LHFPL1: variants seen among roughly 807,000 people sequenced by gnomAD.
LHFPL1 encodes LHFPL tetraspan subfamily member 1 protein.
A neutral mutation model predicts 12.1 loss-of-function variants in LHFPL1; 4 were observed. The ratio of observed to expected loss-of-function variants is 0.33; its 90% CI spans 0.16 to 0.76. The LOEUF is 0.76. Ranked by LOEUF, LHFPL1 falls within the 30% of genes least tolerant of loss-of-function variation. The pLI, the probability that LHFPL1 is intolerant of heterozygous loss-of-function variation, is 0.61. For synonymous variants in LHFPL1, 52 were observed against 61.9 expected (o/e 0.84, Z 0.75); for missense variants, 141 against 174.1 (o/e 0.81, Z 1.07).
chrX:112,637,604 G>A (rs1930381017), intron 3 of LHFPL1, among the ~76,000 whole-genome samples: 1 of 112,160 alleles, frequency 8.9e-6, no homozygotes, highest in South Asian at 3.7e-4. Flanking sequence ...CTCTTTGGAG[G>A]AAGAAGGAAA....
In LHFPL1 at chrX:112,649,646, T is replaced by C. The variant is rs751214565; in HGVS notation, c.481+10981A>G. On this transcript the variant is annotated intron_variant, in intron 3 of 3. Coordinates refer to ENST00000371968, the MANE Select transcript of LHFPL1 (RefSeq NM_178175.4). ...TGGCCTTCCATGTTGAAAATCTTCA[T>C]TATTTTATTTTACTTGAATGACAGT... Among the ~76,000 whole-genome samples, 7 of 112,293 alleles carry C rather than the reference T, an allele frequency of 6.2e-5. No individual in the cohort carries two copies. In the East Asian group the frequency reaches 2.0e-3, roughly 31 times the overall value.
intron 2 of LHFPL1, among the ~76,000 whole-genome samples, chrX:112,668,167 T>C (rs1282599785): frequency 6.2e-5 from 7 of 112,050 alleles, no homozygotes; most frequent in African/African-American, 3.2e-5. Context: ...CTCTTTCTCT[T>C]GTGTCTTTAT....
Position 112,671,127 on chromosome X carries a change from T to C in LHFPL1, c.264A>G (p.Thr88=). ...GGAGCAGCAGAGCACAGCCGGCACCTGTCACCACTGTGCACATCTGCCAGG... is the reference window on the plus strand; with the variant it reads ...GGAGCAGCAGAGCACAGCCGGCACCCGTCACCACTGTGCACATCTGCCAGG... ...SLAWQMCTVV[T]GAGCALLLLV... The change falls in exon 2 of 4, where the codon ACA becomes ACG. Residue 88 remains threonine (T), a synonymous_variant. Coordinates refer to ENST00000371968, the MANE Select transcript of LHFPL1 (RefSeq NM_178175.4). 8.3e-7 allele frequency: 1 copy of C among 1,212,059 alleles called. No individual in the cohort carries two copies. Among genetic ancestry groups the C allele is most frequent in the Non-Finnish European group, 1.1e-6 (1 of 895,494 alleles).
At chrX:112,657,936 T>C (rs1275446846) in intron 3 of LHFPL1, among the ~76,000 whole-genome samples, 3 of 98,325 alleles carry the variant, frequency 3.1e-5, no homozygotes, top group African/African-American at 1.2e-4. Context: ...AAAAGGAAAA[T>C]AGATAAATTA....
At chrX:112,641,305 C>A (rs1354475085) in intron 3 of LHFPL1, among the ~76,000 whole-genome samples, 1 of 111,494 alleles carries the variant, frequency 9.0e-6, no homozygotes, top group African/African-American at 3.3e-5. Flanking sequence ...TTGTTTTATT[C>A]ATTCGTCAAG....
intron 3 of LHFPL1, among the ~76,000 whole-genome samples, chrX:112,632,629 T>A (rs4376643): frequency 0.17 from 18,407 of 111,190 alleles, 2,215 homozygotes; most frequent in African/African-American, 0.41. Flanking sequence ...CTGACTACAG[T>A]CAGTGGAGGA....
intron 3 of LHFPL1, among the ~76,000 whole-genome samples, chrX:112,652,031 G>A (rs972519146): frequency 2.7e-5 from 3 of 112,753 alleles, no homozygotes; most frequent in African/African-American, 9.7e-5. Context: ...GCACATTAGA[G>A]CCTTTATAGC....
chrX:112,651,326 T>A (rs1286298980), intron 3 of LHFPL1, among the ~76,000 whole-genome samples: 2 of 112,158 alleles, frequency 1.8e-5, no homozygotes, highest in African/African-American at 3.2e-5. Context: ...TATAAAACAC[T>A]TGGAACATTG....
At chrX:112,674,112 G>A (rs1240752436) in intron 1 of LHFPL1, among the ~76,000 whole-genome samples, 1 of 111,727 alleles carries the variant, frequency 9.0e-6, no homozygotes, top group East Asian at 2.8e-4. Context: ...ATAGACCAAT[G>A]GAACAGAATA....
intron 3 of LHFPL1, among the ~76,000 whole-genome samples, chrX:112,655,761 G>T (rs1767642519): frequency 9.0e-6 from 1 of 111,152 alleles, no homozygotes; most frequent in African/African-American, 3.3e-5. Flanking sequence ...TAAAGAGAGG[G>T]TTTCACCATG....
chrX:112,648,019 T>C (rs1263029317), intron 3 of LHFPL1, among the ~76,000 whole-genome samples: 1 of 111,373 alleles, frequency 9.0e-6, no homozygotes, highest in South Asian at 3.8e-4. Flanking sequence ...TTCATGTCCT[T>C]TGCAGGGACA....
At chrX:112,655,432 T>C (rs1452538670) in intron 3 of LHFPL1, among the ~76,000 whole-genome samples, 1 of 112,185 alleles carries the variant, frequency 8.9e-6, no homozygotes, top group East Asian at 2.8e-4. Flanking sequence ...ATAGTGTGGA[T>C]GGTTTAGGAT....
At chrX:112,652,531 G>A (rs1228568524) in intron 3 of LHFPL1, among the ~76,000 whole-genome samples, 1 of 111,991 alleles carries the variant, frequency 8.9e-6, no homozygotes, top group Non-Finnish European at 1.9e-5. Context: ...TGTGATTAGT[G>A]CTACAAAAGA....
At chrX:112,646,785 C>A (rs1294783949) in intron 3 of LHFPL1, among the ~76,000 whole-genome samples, 1 of 110,839 alleles carries the variant, frequency 9.0e-6, no homozygotes, top group Admixed American at 9.7e-5. Flanking sequence ...TCACTAGGTA[C>A]TTTCCATGAT....
chrX:112,659,534 A>G, intron 3 of LHFPL1, among the ~76,000 whole-genome samples: 1 of 111,608 alleles, frequency 9.0e-6, no homozygotes, highest in African/African-American at 3.3e-5. Flanking sequence ...CCCGGTGATT[A>G]TATGCATTAA....
chrX:112,656,950 C>T (rs969478012), intron 3 of LHFPL1, among the ~76,000 whole-genome samples: 1 of 111,629 alleles, frequency 9.0e-6, no homozygotes, highest in Non-Finnish European at 1.9e-5. Flanking sequence ...ACTACTGTGG[C>T]CCAGCATCTC....
intron 3 of LHFPL1, among the ~76,000 whole-genome samples, chrX:112,632,617 T>A (rs1032247734): frequency 5.4e-5 from 6 of 111,972 alleles, no homozygotes; most frequent in Non-Finnish European, 7.5e-5. Flanking sequence ...AGAAAGTTAA[T>A]CCTGACTACA....
Position 112,671,099 on chromosome X carries a change from C to G in LHFPL1, c.292G>C (p.Val98Leu), listed in dbSNP as rs770562160. The G allele has an allele frequency of 2.5e-6, 3 of 1,211,965 alleles. No individual in the cohort carries two copies. The highest frequency in any genetic ancestry group is 3.4e-6 in the Non-Finnish European group (3 of 895,400). The change falls in exon 2 of 4, where the codon GTG becomes CTG. Residue 98 changes from valine to leucine, a missense_variant. Physicochemically the swap from Val to Leu is conservative, Grantham distance 32 (BLOSUM62 1). Coordinates refer to ENST00000371968, the MANE Select transcript of LHFPL1 (RefSeq NM_178175.4). ...TGAGCALLLL[V>L]ALAAVLGCCM... The stretch of plus-strand genomic sequence containing the variant: ...CAACCCAGGACAGCAGCTAGTGCCA[C>G]CAGGAGCAGCAGAGCACAGCCGGCA...
At chrX:112,653,748 T>G (rs1220042722) in intron 3 of LHFPL1, among the ~76,000 whole-genome samples, 1 of 112,196 alleles carries the variant, frequency 8.9e-6, no homozygotes, top group Non-Finnish European at 1.9e-5. Context: ...CTCAGGAACA[T>G]TCTCATCAGG....
Sources: gnomAD v4.1 joint callset for allele counts (sites outside exome capture counted in the v4.1 genomes callset) on GRCh38, gnomAD v4.1.1 for gene constraint, MANE v1.5 for transcripts, NCBI Gene and HGNC (gene_info 2026-07-23, HGNC 2026-07-21) for gene names.